Variants in ZNF410 observed in about 807,000 individuals in gnomAD.
ZNF410 encodes another partner for ARF 1.
Under a neutral mutation model 54.8 loss-of-function variants are expected in ZNF410, and 18 were observed. The ratio of observed to expected loss-of-function variants is 0.33; its 90% CI spans 0.23 to 0.49. ZNF410 has a LOEUF of 0.49. Ranked by LOEUF, ZNF410 falls within the 20% of genes least tolerant of loss-of-function variation. The pLI, the probability that ZNF410 is intolerant of heterozygous loss-of-function variation, is 0.99. For synonymous variants in ZNF410, 191 were observed against 207.3 expected (o/e 0.92, Z 0.68); for missense variants, 405 against 569.6 (o/e 0.71, Z 2.94).
intron 10 of ZNF410, 173 bp downstream of exon 10, chr14:73,922,379 AT>A (rs1341647559): frequency 4.0e-5 from 22 of 556,802 alleles, no homozygotes; most frequent in East Asian, 1.4e-4. Flanking sequence ...TTAAAAAAAA[AT>A]TTTTTTTCAT....
chr14:73,919,614 G>A (rs1222809609), intron 8 of ZNF410, among the ~76,000 whole-genome samples: 3 of 152,128 alleles, frequency 2.0e-5, no homozygotes, highest in Non-Finnish European at 2.9e-5. Flanking sequence ...CAGAGGACAT[G>A]ATTTTGTTCT....
intron 5 of ZNF410, among the ~76,000 whole-genome samples, chr14:73,903,161 C>T (rs955226869): frequency 4.6e-5 from 7 of 152,148 alleles, no homozygotes; most frequent in African/African-American, 1.4e-4. Context: ...CAGGGTCTTA[C>T]TCTGTTGCCC....
chr14:73,909,599 A>C, intron 8 of ZNF410, 169 bp downstream of exon 8: 33 of 455,602 alleles, frequency 7.2e-5, no homozygotes, highest in Middle Eastern at 5.0e-4. Flanking sequence ...AATTCTTATA[A>C]TCAAGGTTGG....
intron 8 of ZNF410, chr14:73,913,656 T>G (rs1292487809): frequency 6.6e-6 from 1 of 152,264 alleles, no homozygotes; most frequent in Non-Finnish European, 1.5e-5. Context: ...AATGCTCAGC[T>G]TTTTGGATGT....
chr14:73,910,093 C>CT (rs1357047845), intron 8 of ZNF410, among the ~76,000 whole-genome samples: 1 of 152,088 alleles, frequency 6.6e-6, no homozygotes, highest in Non-Finnish European at 1.5e-5. Flanking sequence ...GTTAGAAGGA[C>CT]TTTTTTCCTG....
In ZNF410 at chr14:73,898,051, A is replaced by C; in HGVS notation, c.389-20A>C. On this transcript the variant is annotated intron_variant, in intron 4 of 11. Transcript: ENST00000555044. ...AAGCTTGCTTGGTTTCTAACTTTTC[A>C]TATATTTTGTTTCTTCCAGGTCTGG... is the stretch of plus-strand genomic sequence containing the variant. 6.3e-7 allele frequency: 1 copy of C among 1,592,518 alleles called. No individual in the cohort carries two copies. The highest frequency in any genetic ancestry group is 8.6e-7 in the Non-Finnish European group (1 of 1,168,386).
intron 11 of ZNF410, among the ~76,000 whole-genome samples, chr14:73,928,551 G>C (rs1441982366): frequency 5.9e-5 from 9 of 152,150 alleles, no homozygotes; most frequent in Non-Finnish European, 1.2e-4. Context: ...TTGTTCCCTA[G>C]AACCTAGGCA....
intron 8 of ZNF410, among the ~76,000 whole-genome samples, chr14:73,917,781 C>CCA (rs1286303233): frequency 6.6e-6 from 1 of 152,030 alleles, no homozygotes; most frequent in Non-Finnish European, 1.5e-5. Flanking sequence ...CGAGATCATG[C>CCA]CACTGCACTC....
chr14:73,906,489 A>G (rs1397844970), intron 7 of ZNF410: 1 of 150,832 alleles, frequency 6.6e-6, no homozygotes, highest in Non-Finnish European at 1.5e-5. Context: ...TTTCTTATTT[A>G]TTTATTTTTG....
chr14:73,905,201 T>G, intron 7 of ZNF410, 118 bp downstream of exon 7: 1 of 1,046,360 alleles, frequency 9.6e-7, no homozygotes, highest in Non-Finnish European at 1.3e-6. Context: ...TTGCTAGAAC[T>G]CTGAAGATGG....
At chr14:73,926,142 T>TCA (rs1346418234) in intron 11 of ZNF410, among the ~76,000 whole-genome samples, 1 of 152,232 alleles carries the variant, frequency 6.6e-6, no homozygotes, top group Non-Finnish European at 1.5e-5. Flanking sequence ...TGTAGGCATG[T>TCA]CATTTCTTCT....
chr14:73,889,212 T>C (rs1261933785), intron 1 of ZNF410, among the ~76,000 whole-genome samples: 3 of 152,096 alleles, frequency 2.0e-5, no homozygotes, highest in African/African-American at 4.8e-5. Flanking sequence ...CCTCCATTTG[T>C]TACCCAGGCT....
Position 73,922,217 on chromosome 14 carries a change from C to T in ZNF410, c.1270+11C>T. 2 of 1,611,350 alleles carry T rather than the reference C, an allele frequency of 1.2e-6. No individual in the cohort carries two copies. The highest frequency in any genetic ancestry group is 2.2e-5 in the East Asian group (1 of 44,844). On this transcript the variant is annotated intron_variant, in intron 10 of 11. Transcript: ENST00000555044. ...TGGGAGTTGATGATGGTAAGACTTC[C>T]AACTCTCCTTTATTTGGGAAAAATG...
intron 11 of ZNF410, among the ~76,000 whole-genome samples, chr14:73,926,383 T>TTA (rs1180867477): frequency 6.6e-6 from 1 of 151,962 alleles, no homozygotes; most frequent in Admixed American, 6.6e-5. Context: ...AATAGTCCTT[T>TTA]TTTTTCAGTA....
chr14:73,924,607 A>C, intron 11 of ZNF410: 1 of 410,354 alleles, frequency 2.4e-6, no homozygotes, highest in South Asian at 1.8e-5. Context: ...TTTTGTCAAA[A>C]CCTCTGTAGC....
intron 1 of ZNF410, 29 bp from the exon 2 acceptor site, chr14:73,891,996 GCC>G (rs757085575): frequency 2.8e-6 from 2 of 705,874 alleles, no homozygotes; most frequent in South Asian, 3.0e-5. Flanking sequence ...TGCTCTTAAT[GCC>G]CCCTCTCTCT....
At chr14:73,930,433 G>A (rs1448179867) in intron 11 of ZNF410, among the ~76,000 whole-genome samples, 2 of 152,048 alleles carry the variant, frequency 1.3e-5, no homozygotes, top group Non-Finnish European at 2.9e-5. Context: ...AAAGTGGTGG[G>A]GTTATAGGCA....
At chr14:73,902,920 G>T (rs72627125) in intron 5 of ZNF410, among the ~76,000 whole-genome samples, 1 of 151,928 alleles carries the variant, frequency 6.6e-6, no homozygotes, top group African/African-American at 2.4e-5. Context: ...TTTAAAATGT[G>T]GTTAGAAATT....
chr14:73,918,676 TTC>T (rs1177761157), intron 8 of ZNF410, among the ~76,000 whole-genome samples: 1 of 148,720 alleles, frequency 6.7e-6, no homozygotes, highest in African/African-American at 2.5e-5. Flanking sequence ...TTCTGGACAT[TTC>T]ATATGGCCTT....
Sources: gnomAD v4.1 joint callset for allele counts (sites outside exome capture counted in the v4.1 genomes callset) on GRCh38, gnomAD v4.1.1 for gene constraint, MANE v1.5 for transcripts, NCBI Gene and HGNC (gene_info 2026-07-23, HGNC 2026-07-21) for gene names.